Variants in WWTR1 observed in about 807,000 individuals in gnomAD.
WWTR1 encodes the protein WW domain-containing transcription regulator protein 1.
WWTR1 carries 13 observed loss-of-function variants against 40.1 expected under a neutral mutation model. The observed-to-expected ratio is 0.32, with a 90% CI of 0.21 to 0.52. The LOEUF (loss-of-function observed/expected upper bound fraction) is 0.52. Among genes scored for constraint, WWTR1 ranks in the 20% least tolerant of loss-of-function variants. WWTR1 has a pLI of 0.97. For missense variants in WWTR1, 436 were observed against 523.1 expected (o/e 0.83, Z 1.63); for synonymous variants, 230 against 210.1 (o/e 1.09, Z -0.82).
At position 149,655,075 on chromosome 3, in the gene WWTR1, T is replaced by G. The variant is rs549254617; in HGVS notation, c.431+1801A>C. Reference sequence around the variant, plus strand: ...CGGTAGGCGGAGCTTGCAGTGAGCCTAGATCGCGCCACTGCACTCCAGCCT... The same window carrying G: ...CGGTAGGCGGAGCTTGCAGTGAGCCGAGATCGCGCCACTGCACTCCAGCCT... On this transcript the variant is annotated intron_variant, in intron 2 of 6. Coordinates refer to ENST00000360632, the MANE Select transcript of WWTR1 (RefSeq NM_015472.6). 5.5e-5 allele frequency among the ~76,000 whole-genome samples: 8 copies of G among 145,970 alleles called. No individual in the cohort carries two copies. In the East Asian group the frequency reaches 1.5e-3, roughly 27 times the overall value.
intron 3 of WWTR1, among the ~76,000 whole-genome samples, chr3:149,559,293 C>CAAAAAAAAAAAAAAAAAA (rs57470539): frequency 1.9e-4 from 11 of 58,038 alleles, no homozygotes; most frequent in Non-Finnish European, 2.4e-4. Flanking sequence ...GACTCCATCT[C>CAAAAAAAAAAAAAAAAAA]AAAAAAAAAA....
intron 2 of WWTR1, among the ~76,000 whole-genome samples, chr3:149,592,053 T>C (rs936203717): frequency 2.6e-5 from 4 of 152,188 alleles, no homozygotes; most frequent in Non-Finnish European, 4.4e-5. Flanking sequence ...GACACAGCTA[T>C]GGGGCAAGGT....
intron 3 of WWTR1, among the ~76,000 whole-genome samples, chr3:149,561,409 C>T (rs896458265): frequency 3.9e-5 from 6 of 152,088 alleles, no homozygotes; most frequent in Non-Finnish European, 7.3e-5. Context: ...TATTATTGGC[C>T]AGGGTACGGG....
chr3:149,594,575 A>G (rs180830869), intron 2 of WWTR1, among the ~76,000 whole-genome samples: 112 of 152,320 alleles, frequency 7.4e-4, no homozygotes, highest in African/African-American at 2.5e-3. Context: ...ATAGTGGTCT[A>G]AAGTTTTTTT....
At chr3:149,573,546 A>G (rs905758515) in intron 2 of WWTR1, among the ~76,000 whole-genome samples, 4 of 152,202 alleles carry the variant, frequency 2.6e-5, no homozygotes, top group African/African-American at 9.6e-5. Context: ...AGGTCCCCAA[A>G]GGTGACACAT....
chr3:149,532,378 G>A (rs1289978744), intron 4 of WWTR1, among the ~76,000 whole-genome samples: 1 of 152,158 alleles, frequency 6.6e-6, no homozygotes, highest in Non-Finnish European at 1.5e-5. Flanking sequence ...ACCTTGGAGG[G>A]ATTAAACCAA....
chr3:149,547,418 C>G (rs1038793170), intron 3 of WWTR1, among the ~76,000 whole-genome samples: 1 of 151,830 alleles, frequency 6.6e-6, no homozygotes, highest in African/African-American at 2.4e-5. Context: ...CCCAGCTACT[C>G]GGGAGGCTGA....
rs186270909 is a variant in WWTR1 at position 149,616,144 on chromosome 3, C to T, written c.431+40732G>A. ...TCAGTGGAAGCTACACTGCACTCAG[C>T]CACCGGCATTTTTTACTGCCTGTGG... On this transcript the variant is annotated intron_variant, in intron 2 of 6. Coordinates refer to ENST00000360632, the MANE Select transcript of WWTR1 (RefSeq NM_015472.6). Among the ~76,000 whole-genome samples, 4 of 152,302 alleles carry T rather than the reference C, an allele frequency of 2.6e-5. No homozygotes were observed. In the East Asian group the frequency reaches 5.8e-4, roughly 22 times the overall value.
chr3:149,547,143 C>A (rs1040816549), intron 3 of WWTR1, among the ~76,000 whole-genome samples: 1 of 148,256 alleles, frequency 6.7e-6, no homozygotes, highest in African/African-American at 2.5e-5. Context: ...CATGGGAAGG[C>A]AAAACATCTA....
chr3:149,696,134 A>AAAAC (rs1468454081), intron 1 of WWTR1, among the ~76,000 whole-genome samples: 1 of 151,238 alleles, frequency 6.6e-6, no homozygotes, highest in Non-Finnish European at 1.5e-5. Flanking sequence ...AAAAAAAAAA[A>AAAAC]ATCACACAGA....
At chr3:149,569,062 G>A (rs1339953574) in intron 3 of WWTR1, among the ~76,000 whole-genome samples, 1 of 151,772 alleles carries the variant, frequency 6.6e-6, no homozygotes, top group East Asian at 1.9e-4. Context: ...CACCGCGCCC[G>A]GCATCTAAAG....
chr3:149,676,699 G>A (rs80334176), intron 1 of WWTR1, among the ~76,000 whole-genome samples: 91 of 152,226 alleles, frequency 6.0e-4, no homozygotes, highest in Middle Eastern at 3.4e-3. Context: ...AACCGGGTCT[G>A]CCTATTTTCA....
intron 3 of WWTR1, among the ~76,000 whole-genome samples, chr3:149,563,341 G>T (rs1045683122): frequency 1.3e-5 from 2 of 152,110 alleles, no homozygotes; most frequent in Admixed American, 6.5e-5. Flanking sequence ...GCTTACGAAG[G>T]CCTGATGGAT....
intron 2 of WWTR1, among the ~76,000 whole-genome samples, chr3:149,593,379 G>A (rs1159267130): frequency 6.7e-6 from 1 of 149,562 alleles, no homozygotes; most frequent in Non-Finnish European, 1.5e-5. Flanking sequence ...CCTCGTCTTA[G>A]TTTTCTTTCT....
intron 2 of WWTR1, among the ~76,000 whole-genome samples, chr3:149,573,276 C>T (rs1319453965): frequency 6.6e-6 from 1 of 152,160 alleles, no homozygotes; most frequent in Admixed American, 6.5e-5. Flanking sequence ...CAGTGAACTT[C>T]CCCTCGGCCC....
Position 149,542,447 on chromosome 3 carries a change from C to T in WWTR1, c.659G>A (p.Ser220Asn). Residue 220 changes from serine to asparagine, a missense_variant, in exon 4 of 7, where the codon AGT becomes AAT. By Grantham distance (46) the Ser-to-Asn change is conservative. Transcript: ENST00000360632. Reference protein sequence around the residue: ...PTQNPPAGLMSMPNALTTQQQ... With the variant: ...PTQNPPAGLMNMPNALTTQQQ... ...CTGAGTGGTCAGCGCATTGGGCATA[C>T]TCATGAGCCCTGCGGGTGGGTTCTG... The T allele has an allele frequency of 6.2e-7, 1 of 1,614,138 alleles. No homozygotes were observed. Among genetic ancestry groups the T allele is most frequent in the Middle Eastern group, 1.7e-4 (1 of 6,058 alleles).
rs769811517 is a variant in WWTR1, at chr3:149,550,797, C to T, written c.569-8260G>A. Among the ~76,000 whole-genome samples the T allele has an allele frequency of 5.0e-4, 63 of 126,024 alleles. 7 individuals are homozygous for T. The highest frequency in any genetic ancestry group is 4.3e-3 in the Middle Eastern group (1 of 232). 82.7% of individuals were successfully genotyped at this position (126,024 alleles called of 152,430 possible). A position where few individuals can be genotyped will look rare whatever the true frequency, so the allele number is the denominator to read the frequency against. On this transcript the variant is annotated intron_variant, in intron 3 of 6. Transcript: ENST00000360632. ...TATCTGCTGACATTTTCCATAAGCA[C>T]GTGATGATTTAAAAAGAAAATTTCA...
chr3:149,723,210 C>CAA (rs1380079194), intron 4 of WWTR1, among the ~76,000 whole-genome samples: 1 of 96,388 alleles, frequency 1.0e-5, no homozygotes, highest in Non-Finnish European at 1.9e-5. Context: ...TTTTTTGAGA[C>CAA]AGAGTTTTGC....
chr3:149,666,525 T>C (rs1269972928), intron 2 of WWTR1, among the ~76,000 whole-genome samples: 1 of 152,236 alleles, frequency 6.6e-6, no homozygotes, highest in African/African-American at 2.4e-5. Flanking sequence ...CTCAATCTAG[T>C]TATGATCATT....
Sources: allele counts gnomAD v4.1 joint callset (sites outside exome capture counted in the v4.1 genomes callset), GRCh38; gene constraint gnomAD v4.1.1; transcripts MANE v1.5; gene names NCBI Gene and HGNC (gene_info 2026-07-23, HGNC 2026-07-21).